The following MMRN1 variants were observed in gnomAD, a reference collection of about 807,000 sequenced individuals.
MMRN1 encodes the protein multimerin-1.
A neutral mutation model predicts 100.7 loss-of-function variants in MMRN1; 94 were observed. The observed-to-expected ratio is 0.93, with a 90% CI of 0.79 to 1.11. MMRN1 has a LOEUF of 1.11. Among genes scored for constraint, MMRN1 ranks in the 50% least tolerant of loss-of-function variants. The probability of loss-of-function intolerance (pLI) is 0.00; values close to 1 mark genes in which losing one functional copy is unlikely to be tolerated. For synonymous variants in MMRN1, 575 were observed against 505.0 expected (o/e 1.14, Z -1.86); for missense variants, 1,606 against 1,439.1 (o/e 1.12, Z -1.88).
chr4:89,943,854 G>C (rs1246712273), intron 6 of MMRN1, among the ~76,000 whole-genome samples: 2 of 152,006 alleles, frequency 1.3e-5, no homozygotes, highest in African/African-American at 2.4e-5. Context: ...GCCAGGTGTA[G>C]TGGCACGTGC....
intron 6 of MMRN1, among the ~76,000 whole-genome samples, chr4:89,950,715 T>A (rs1244477185): frequency 1.3e-5 from 2 of 151,992 alleles, no homozygotes; most frequent in Non-Finnish European, 2.9e-5. Context: ...ATTTTCTTAT[T>A]TTTATTTATT....
chr4:89,906,453 G>C (rs1721567694), intron 1 of MMRN1, among the ~76,000 whole-genome samples: 1 of 151,456 alleles, frequency 6.6e-6, no homozygotes, highest in Non-Finnish European at 1.5e-5. Flanking sequence ...TACCCTGAAA[G>C]AGAATCCCAA....
In MMRN1 at chr4:89,935,269, A is replaced by C; in HGVS notation, c.1589A>C (p.Lys530Thr). ...TCAACTGAACAGGTATCAGACCAGAAGAATGCTCCAGCTGCTGAGTCAGTT... is the reference window on the plus strand; with the variant it reads ...TCAACTGAACAGGTATCAGACCAGACGAATGCTCCAGCTGCTGAGTCAGTT... ...LLSTEQVSDQ[K>T]NAPAAESVSN... Residue 530 changes from lysine (K) to threonine (T), a missense_variant, in exon 6 of 8, where the codon AAG becomes ACG. By Grantham distance (78) the Lys-to-Thr change is moderately conservative. Coordinates refer to ENST00000264790, the MANE Select transcript of MMRN1 (RefSeq NM_007351.3). The C allele has an allele frequency of 2.5e-6, 4 of 1,613,804 alleles. No individual in the cohort carries two copies. Among genetic ancestry groups the C allele is most frequent in the Non-Finnish European group, 3.4e-6 (4 of 1,179,794 alleles).
intron 3 of MMRN1, among the ~76,000 whole-genome samples, chr4:89,917,101 TTG>T (rs936611446): frequency 1.3e-5 from 2 of 150,334 alleles, no homozygotes; most frequent in Admixed American, 1.3e-4. Flanking sequence ...GTGTGTGTGT[TTG>T]TGTGTGTGTG....
chr4:89,894,995 CCTT>C lies in MMRN1; in HGVS notation c.28_30del (p.Leu10del), dbSNP rs755370819. ...AGATGAAGGGGGCAAGATTATTTGT[CCTT>C]CTTTCTAGTTTATGGAGTGGGGGCA... On this transcript the variant is annotated inframe_deletion, in exon 1 of 8. Transcript: ENST00000264790. 5 of 1,611,828 alleles carry C rather than the reference CCTT, an allele frequency of 3.1e-6. No individual in the cohort carries two copies. The South Asian group carries it at 3.3e-5, about 11-fold the overall frequency.
intron 4 of MMRN1, among the ~76,000 whole-genome samples, 161 bp from the exon 5 acceptor site, chr4:89,927,634 G>A (rs574555357): frequency 6.6e-6 from 1 of 152,232 alleles, no homozygotes; most frequent in Admixed American, 6.6e-5. Context: ...GCTCTAGCTA[G>A]AGCTTCTAGT....
chr4:89,952,440 A>T (rs1723209396), intron 7 of MMRN1, among the ~76,000 whole-genome samples: 1 of 152,136 alleles, frequency 6.6e-6, no homozygotes, highest in Non-Finnish European at 1.5e-5. Flanking sequence ...TGAAATGTAA[A>T]TTTTTTAGTC....
At chr4:89,927,193 T>C (rs1014054670) in intron 4 of MMRN1, among the ~76,000 whole-genome samples, 4 of 152,042 alleles carry the variant, frequency 2.6e-5, no homozygotes, top group Non-Finnish European at 5.9e-5. Context: ...AGTGTTTTGA[T>C]AGGGATTGCA....
chr4:89,927,021 A>G (rs1428932628), intron 4 of MMRN1, among the ~76,000 whole-genome samples: 1 of 152,120 alleles, frequency 6.6e-6, no homozygotes, highest in Non-Finnish European at 1.5e-5. Context: ...TGTTTTGGTT[A>G]CTACAGCTCT....
intron 6 of MMRN1, among the ~76,000 whole-genome samples, chr4:89,948,051 C>T (rs1237400703): frequency 6.6e-6 from 1 of 152,074 alleles, no homozygotes; most frequent in Admixed American, 6.5e-5. Flanking sequence ...GGGGTTTCAC[C>T]ATGTTAGCCA....
intron 6 of MMRN1, among the ~76,000 whole-genome samples, chr4:89,941,263 G>T (rs940693265): frequency 6.6e-6 from 1 of 152,264 alleles, no homozygotes; most frequent in South Asian, 2.1e-4. Flanking sequence ...CAATAGAAGT[G>T]CTCACAGGAT....
chr4:89,925,048 G>A (rs947848653), intron 4 of MMRN1, among the ~76,000 whole-genome samples: 2 of 151,872 alleles, frequency 1.3e-5, no homozygotes, highest in Admixed American at 6.6e-5. Flanking sequence ...ATTTTAAAAT[G>A]TACAATTAAA....
chr4:89,880,625 A>G (rs141405605), intron 1 of MMRN1, among the ~76,000 whole-genome samples: 1 of 152,294 alleles, frequency 6.6e-6, no homozygotes, highest in East Asian at 1.9e-4. Context: ...CCTTCTCATG[A>G]TGAGAGGAGA....
intron 1 of MMRN1, among the ~76,000 whole-genome samples, chr4:89,881,796 A>G (rs927120238): frequency 1.3e-5 from 2 of 151,960 alleles, no homozygotes; most frequent in African/African-American, 4.8e-5. Flanking sequence ...TGGTTGCACT[A>G]CCTTTAAACT....
chr4:89,892,943 T>G (rs1249851976), upstream of MMRN1, among the ~76,000 whole-genome samples: 1 of 151,994 alleles, frequency 6.6e-6, no homozygotes, highest in Non-Finnish European at 1.5e-5. Context: ...ATTCATCTAT[T>G]TTTACTAAAG....
At chr4:89,934,657 T>C (rs1722543713) in intron 5 of MMRN1, among the ~76,000 whole-genome samples, 153 bp from the exon 6 acceptor site, 1 of 152,148 alleles carries the variant, frequency 6.6e-6, no homozygotes. Flanking sequence ...TTATAAATTA[T>C]AGTAATTTTT....
chr4:89,951,109 A>G (rs1047339600), intron 6 of MMRN1, among the ~76,000 whole-genome samples: 4 of 152,144 alleles, frequency 2.6e-5, no homozygotes, highest in Admixed American at 2.6e-4. Flanking sequence ...TTAAAATTTT[A>G]AAGCTCTAGA....
rs904600260 is a variant in MMRN1, at chr4:89,909,387, T to A, written c.735T>A (p.Cys245Ter). The change falls in exon 2 of 8, where the codon TGT (cysteine) becomes TGA (stop). Residue 245 changes from cysteine (C) to a stop codon, truncating the protein, a stop_gained. Coordinates refer to ENST00000264790, the MANE Select transcript of MMRN1 (RefSeq NM_007351.3). LOFTEE classifies it high-confidence loss of function. ...KGPCGWTGGS[C>*]PQRSQKISNP... ...CTTGTGGCTGGACCGGTGGATCCTG[T>A]CCTCAGAGGTATGTAATATTTCTTG... 1.4e-5 allele frequency: 22 copies of A among 1,608,716 alleles called. No individual in the cohort carries two copies. Among genetic ancestry groups the A allele is most frequent in the Admixed American group, 8.4e-5 (5 of 59,284 alleles).
At chr4:89,925,556 G>A (rs1037415709) in intron 4 of MMRN1, among the ~76,000 whole-genome samples, 4 of 151,132 alleles carry the variant, frequency 2.6e-5, no homozygotes, top group Admixed American at 2.6e-4. Context: ...TTTAGGCTGG[G>A]TGTGGTGGCT....
Sources: gnomAD v4.1 joint callset for allele counts (sites outside exome capture counted in the v4.1 genomes callset) on GRCh38, gnomAD v4.1.1 for gene constraint, MANE v1.5 for transcripts, NCBI Gene and HGNC (gene_info 2026-07-23, HGNC 2026-07-21) for gene names.